The following SEPTIN9 variants were observed in gnomAD, a reference collection of about 807,000 sequenced individuals.
SEPTIN9 encodes septin 9.
A neutral mutation model predicts 56.6 loss-of-function variants in SEPTIN9; 13 were observed. The observed-to-expected ratio is 0.23, with a 90% CI of 0.15 to 0.37. SEPTIN9 has a LOEUF of 0.37. SEPTIN9 is among the 10% of genes least tolerant of loss of function. The pLI is 1.00. For missense variants in SEPTIN9, 650 were observed against 823.1 expected (o/e 0.79, Z 2.57); for synonymous variants, 332 against 334.1 (o/e 0.99, Z 0.07).
chr17:77,409,792 A>C (rs1308878900), intron 3 of SEPTIN9, among the ~76,000 whole-genome samples: 3 of 152,230 alleles, frequency 2.0e-5, no homozygotes, highest in Non-Finnish European at 4.4e-5. Flanking sequence ...CCGCGGCCAG[A>C]CAGCCATGCT....
chr17:77,438,144 G>T (rs1173189845), intron 3 of SEPTIN9, among the ~76,000 whole-genome samples: 1 of 152,216 alleles, frequency 6.6e-6, no homozygotes, highest in Non-Finnish European at 1.5e-5. Flanking sequence ...CCGTTGGGCC[G>T]AGGTCAGTTC....
At chr17:77,314,141 C>G (rs1244991731) in intron 2 of SEPTIN9, among the ~76,000 whole-genome samples, 1 of 151,812 alleles carries the variant, frequency 6.6e-6, no homozygotes, top group Non-Finnish European at 1.5e-5. Context: ...TGTCCTCCAG[C>G]CTGGGCAAAG....
intron 3 of SEPTIN9, chr17:77,466,591 G>C: frequency 1.0e-6 from 1 of 985,684 alleles, no homozygotes; most frequent in Non-Finnish European, 1.2e-6. Context: ...GGGTCCTCGG[G>C]AGGAGGAGAA....
chr17:77,302,771 G>A (rs186057470), intron 1 of SEPTIN9, among the ~76,000 whole-genome samples: 122 of 152,270 alleles, frequency 8.0e-4, no homozygotes, highest in African/African-American at 2.7e-3. Flanking sequence ...AAGAGGGGCT[G>A]TACTTGGTGG....
chr17:77,308,995 A>G (rs1014980956), intron 2 of SEPTIN9, among the ~76,000 whole-genome samples: 2 of 152,242 alleles, frequency 1.3e-5, no homozygotes, highest in Non-Finnish European at 2.9e-5. Flanking sequence ...CGCCCATCGC[A>G]GTCATGTTGG....
Position 77,485,305 on chromosome 17 carries a change from T to C in SEPTIN9, c.914-2119T>C, listed in dbSNP as rs1347048767. On this transcript the variant is annotated intron_variant, in intron 4 of 11. Coordinates refer to ENST00000427177, the MANE Select transcript of SEPTIN9 (RefSeq NM_001113491.2). ...GGTGGTGTTGATGGGGGTGATGATG[T>C]TAGTAGTGGTGGTGATAGTGATGGG... Among the ~76,000 whole-genome samples the C allele has an allele frequency of 2.6e-5, 3 of 115,862 alleles. No homozygotes were observed. The East Asian group carries it at 7.8e-4, about 30-fold the overall frequency. The allele number at this position is 115,862 out of a possible 152,430, so 76.0% of individuals were successfully genotyped here.
intron 2 of SEPTIN9, among the ~76,000 whole-genome samples, chr17:77,381,231 C>T (rs405278): frequency 1 from 152,172 of 152,320 alleles, 76,013 homozygotes; most frequent in East Asian, 1. Flanking sequence ...ATCTTTCTTT[C>T]TGGTGGGAAG....
At chr17:77,348,379 A>G (rs1296070230) in intron 2 of SEPTIN9, among the ~76,000 whole-genome samples, 3 of 146,500 alleles carry the variant, frequency 2.0e-5, no homozygotes, top group African/African-American at 7.7e-5. Flanking sequence ...GCTCACTGCA[A>G]CCTCTGCCTC....
In SEPTIN9 at chr17:77,475,328, G is replaced by T; in HGVS notation, c.722-6816G>T. 7.0e-7 allele frequency: 1 copy of T among 1,428,232 alleles called. No homozygotes were observed. Among genetic ancestry groups the T allele is most frequent in the Admixed American group, 2.9e-5 (1 of 34,664 alleles). 88.5% of individuals were successfully genotyped at this position (1,428,232 alleles called of 1,614,324 possible). A position where few individuals can be genotyped will look rare whatever the true frequency, so the allele number is the denominator to read the frequency against. ...GGGCAAGCCCTGGTTGCGAGGCAGG[G>T]CTTCCCCAGGATTCAGCAGGGATCT... On this transcript the variant is annotated intron_variant, in intron 3 of 11. Coordinates refer to ENST00000427177, the MANE Select transcript of SEPTIN9 (RefSeq NM_001113491.2). The surrounding 1 kb of genome is among the most constrained non-coding windows in gnomAD (Gnocchi z 4.6).
intron 1 of SEPTIN9, among the ~76,000 whole-genome samples, chr17:77,284,163 T>A (rs1483014954): frequency 6.6e-6 from 1 of 152,038 alleles, no homozygotes; most frequent in Non-Finnish European, 1.5e-5. Flanking sequence ...GACACGAGGA[T>A]CGCTTGAGCC....
chr17:77,377,315 A>C lies in SEPTIN9; in HGVS notation c.77-24744A>C, dbSNP rs1483947697. 3.3e-5 allele frequency: 5 copies of C among 152,020 alleles called. No homozygotes were observed. The East Asian group carries it at 7.7e-4, about 24-fold the overall frequency. The allele number at this position is 152,020 out of a possible 1,614,324, so 9.4% of individuals were successfully genotyped here. On this transcript the variant is annotated intron_variant, in intron 2 of 11. Coordinates refer to ENST00000427177, the MANE Select transcript of SEPTIN9 (RefSeq NM_001113491.2). ...TTTCTCCCTTCTGGTTGGTGGAGGC[A>C]CGGGGCTGGCGGACGGCATGTGCTT... is the stretch of plus-strand genomic sequence containing the variant.
In SEPTIN9 at chr17:77,492,858, C is replaced by A; in HGVS notation, c.1477-122C>A. The A allele has an allele frequency of 1.7e-6, 2 of 1,195,122 alleles. No individual in the cohort carries two copies. Among genetic ancestry groups the A allele is most frequent in the South Asian group, 1.2e-5 (1 of 80,748 alleles). The allele number at this position is 1,195,122 out of a possible 1,614,324, so 74.0% of individuals were successfully genotyped here. On this transcript the variant is annotated intron_variant, in intron 9 of 11. Transcript: ENST00000427177. The surrounding 1 kb of genome is among the most constrained non-coding windows in gnomAD (Gnocchi z 5.4). ...TGAGCCCAGGTGTCTGTACCCAGTG[C>A]TGTCAGGCTGAGGCTCTCGTTTTTG...
At chr17:77,347,810 T>G (rs1284523343) in intron 2 of SEPTIN9, among the ~76,000 whole-genome samples, 1 of 152,176 alleles carries the variant, frequency 6.6e-6, no homozygotes, top group Non-Finnish European at 1.5e-5. Flanking sequence ...TTACATGAGA[T>G]AGTCAACACT....
intron 3 of SEPTIN9, among the ~76,000 whole-genome samples, chr17:77,463,096 TGAGGCTGTTCCTTTCCGCTGG>T (rs2038553869): frequency 6.6e-6 from 1 of 152,188 alleles, no homozygotes; most frequent in Non-Finnish European, 1.5e-5. Flanking sequence ...TCTCTGGAGA[TGAGGCTGTTCCTTTCCGCTGG>T]GTGTAGGGAG....
chr17:77,488,356 G>A (rs2039883094), intron 6 of SEPTIN9, 35 bp downstream of exon 6: 1 of 1,570,646 alleles, frequency 6.4e-7, no homozygotes, highest in Non-Finnish European at 8.8e-7. Context: ...CACTAGCGGG[G>A]GCTTCAGGGC....
At chr17:77,356,898 G>T (rs985117297) in intron 2 of SEPTIN9, among the ~76,000 whole-genome samples, 3 of 149,886 alleles carry the variant, frequency 2.0e-5, no homozygotes, top group African/African-American at 7.4e-5. Flanking sequence ...GGTGGGAGAG[G>T]GGAAGGCGCC....
intron 3 of SEPTIN9, among the ~76,000 whole-genome samples, chr17:77,410,270 G>A (rs768004706): frequency 6.6e-6 from 1 of 152,166 alleles, no homozygotes; most frequent in Non-Finnish European, 1.5e-5. Context: ...ACTCTGTGGA[G>A]CCCCAGGACT....
chr17:77,376,247 G>A (rs1481492312), intron 2 of SEPTIN9: 10 of 986,080 alleles, frequency 1.0e-5, no homozygotes, highest in Non-Finnish European at 1.2e-5. Context: ...AGATCATATG[G>A]GCCAGGCTGC....
At position 77,342,999 on chromosome 17, in the gene SEPTIN9, G is replaced by GTCTATCTA. The variant is rs1333729896; in HGVS notation, c.76+35805_76+35806insATCTATCT. Among the ~76,000 whole-genome samples, 99 of 80,894 alleles carry GTCTATCTA rather than the reference G, an allele frequency of 1.2e-3. 2 individuals carry two copies. In the South Asian group the frequency reaches 0.014, roughly 12 times the overall value. 53.1% of individuals were successfully genotyped at this position (80,894 alleles called of 152,430 possible). On this transcript the variant is annotated intron_variant, in intron 2 of 11. Transcript: ENST00000427177. ...CAAAAATCAATGTATCTGTCTGTCT[G>GTCTATCTA]TCTGTCTATCTATCTATCTATCTAT...
Sources: allele counts gnomAD v4.1 joint callset (sites outside exome capture counted in the v4.1 genomes callset), GRCh38; gene constraint gnomAD v4.1.1; non-coding constraint Gnocchi (gnomAD v3.1); transcripts MANE v1.5; gene names NCBI Gene and HGNC (gene_info 2026-07-23, HGNC 2026-07-21).